Variants in BTC observed in about 807,000 individuals in gnomAD.
BTC encodes probetacellulin.
BTC carries 13 observed loss-of-function variants against 18.1 expected under a neutral mutation model. The observed-to-expected ratio is 0.72, with a 90% confidence interval of 0.47 to 1.14. BTC has a LOEUF of 1.14. Ranked by LOEUF, BTC falls within the 50% of genes most tolerant of loss-of-function variation. The probability of loss-of-function intolerance (pLI) is 0.00; values close to 1 mark genes in which losing one functional copy is unlikely to be tolerated. For synonymous variants in BTC, 83 were observed against 79.4 expected, an observed-to-expected ratio of 1.05 and a Z score of -0.24; for missense variants, 247 against 224.2, an observed-to-expected ratio of 1.10 and a Z score of -0.65.
At position 74,783,614 on chromosome 4, in the gene BTC, C is replaced by T. The variant is rs551895498; in HGVS notation, c.64+10648G>A. ...TTTTTTTTTTTTTTTTTTTTGGTACCATATGAATTTTAAAATAGTTTTTTC... is the reference window on the plus strand; with the variant it reads ...TTTTTTTTTTTTTTTTTTTTGGTACTATATGAATTTTAAAATAGTTTTTTC... On this transcript the variant is annotated intron_variant, in intron 1 of 5. Coordinates refer to ENST00000395743, the MANE Select transcript of BTC (RefSeq NM_001729.4). 3.6e-4 allele frequency among the ~76,000 whole-genome samples: 47 copies of T among 129,450 alleles called. No individual in the cohort carries two copies. In the East Asian group the frequency reaches 7.3e-3, roughly 20 times the overall value. 84.9% of individuals were successfully genotyped at this position (129,450 alleles called of 152,430 possible).
rs553581362 is a variant in BTC at position 74,744,938 on chromosome 4, T to A, written c.*1739A>T. 6.6e-6 allele frequency: 1 copy of A among 152,296 alleles called. No individual in the cohort carries two copies. The highest frequency in any genetic ancestry group is 2.1e-4 in the South Asian group (1 of 4,826). The allele number at this position is 152,296 out of a possible 1,614,324, so 9.4% of individuals were successfully genotyped here. A position where few individuals can be genotyped will look rare whatever the true frequency, so the allele number is the denominator to read the frequency against. On this transcript the variant is annotated 3_prime_UTR_variant, in exon 6 of 6. Coordinates refer to ENST00000395743, the MANE Select transcript of BTC (RefSeq NM_001729.4). ...GAGAGCCACCATTGATATTTTAGGA[T>A]CAAAACAAAATGGCTTGAGAGATTT... is the stretch of plus-strand genomic sequence containing the variant.
At chr4:74,767,123 A>G (rs1016510020) in intron 2 of BTC, among the ~76,000 whole-genome samples, 5 of 151,900 alleles carry the variant, frequency 3.3e-5, no homozygotes, top group African/African-American at 1.2e-4. Context: ...AAAAAAAGAA[A>G]TAATTTCATC....
intron 1 of BTC, among the ~76,000 whole-genome samples, chr4:74,778,509 T>C (rs1725235992): frequency 6.6e-6 from 1 of 151,956 alleles, no homozygotes; most frequent in African/African-American, 2.4e-5. Context: ...AGTTCCAAAG[T>C]GAGATGCAGA....
At chr4:74,756,006 A>T (rs782226201) in intron 2 of BTC, 30 bp from the exon 3 acceptor site, 3 of 1,516,420 alleles carry the variant, frequency 2.0e-6, no homozygotes, top group Non-Finnish European at 1.8e-6. Flanking sequence ...TCAATAAATC[A>T]ACTCTCTTTA....
chr4:74,779,224 C>T (rs1725255591), intron 1 of BTC, among the ~76,000 whole-genome samples: 3 of 152,096 alleles, frequency 2.0e-5, no homozygotes, highest in Admixed American at 2.0e-4. Context: ...AAAAGTACTT[C>T]ACAACCTTAT....
chr4:74,773,301 C>G (rs1382184557), intron 1 of BTC, among the ~76,000 whole-genome samples: 1 of 152,140 alleles, frequency 6.6e-6, no homozygotes, highest in Non-Finnish European at 1.5e-5. Context: ...AAGCAGGTGA[C>G]CCCTTTAAGT....
chr4:74,785,489 C>A (rs1289814529), intron 1 of BTC, among the ~76,000 whole-genome samples: 2 of 151,944 alleles, frequency 1.3e-5, no homozygotes, highest in South Asian at 2.1e-4. Context: ...GCTCTTGGTT[C>A]TCTAGTTCTT....
chr4:74,753,651 C>T (rs750060172), intron 3 of BTC, among the ~76,000 whole-genome samples: 2 of 152,124 alleles, frequency 1.3e-5, no homozygotes, highest in African/African-American at 2.4e-5. Flanking sequence ...AGTGTTATCA[C>T]CAATGGCAAG....
intron 1 of BTC, among the ~76,000 whole-genome samples, chr4:74,787,477 A>G (rs1053860691): frequency 5.9e-5 from 9 of 152,040 alleles, no homozygotes; most frequent in African/African-American, 2.2e-4. Context: ...AAATACTAAG[A>G]TTTTTTTTAA....
chr4:74,758,426 G>A (rs908542696), intron 2 of BTC, among the ~76,000 whole-genome samples: 2 of 151,998 alleles, frequency 1.3e-5, no homozygotes, highest in African/African-American at 4.8e-5. Context: ...AAACCAGGGC[G>A]GACACATACA....
At chr4:74,782,134 G>C (rs867957258) in intron 1 of BTC, among the ~76,000 whole-genome samples, 5 of 151,914 alleles carry the variant, frequency 3.3e-5, no homozygotes. Context: ...AAGTTCAGGG[G>C]TACATGTGCA....
chr4:74,771,003 GAGA>G (rs1474990944), intron 1 of BTC, among the ~76,000 whole-genome samples: 3 of 151,826 alleles, frequency 2.0e-5, no homozygotes, highest in Admixed American at 2.0e-4. Flanking sequence ...AATCCAACAT[GAGA>G]AGGAGGATAC....
chr4:74,794,467 A>G lies in BTC; in HGVS notation c.-142T>C. The stretch of plus-strand genomic sequence containing the variant: ...AAACGAAACTACTTCCCAGGCTGGC[A>G]CCCTGGCTACAAGGCAGGGAAACAC... On this transcript the variant is annotated 5_prime_UTR_variant, in exon 1 of 6. Transcript: ENST00000395743. The G allele has an allele frequency of 1.0e-6, 1 of 964,146 alleles. No individual in the cohort carries two copies. The allele number at this position is 964,146 out of a possible 1,614,324, so 59.7% of individuals were successfully genotyped here. A position where few individuals can be genotyped will look rare whatever the true frequency, so the allele number is the denominator to read the frequency against.
At chr4:74,762,728 GA>G (rs1724793880) in intron 2 of BTC, among the ~76,000 whole-genome samples, 1 of 152,104 alleles carries the variant, frequency 6.6e-6, no homozygotes, top group Admixed American at 6.5e-5. Context: ...TAGATACTGA[GA>G]GATCAAGCTC....
intron 2 of BTC, among the ~76,000 whole-genome samples, chr4:74,767,271 T>C (rs1560716225): frequency 6.6e-6 from 1 of 151,800 alleles, no homozygotes; most frequent in Non-Finnish European, 1.5e-5. Context: ...GAAAAACCAG[T>C]TGTATTTGTA....
intron 1 of BTC, among the ~76,000 whole-genome samples, chr4:74,790,647 A>C (rs1040283233): frequency 6.6e-6 from 1 of 152,198 alleles, no homozygotes. Flanking sequence ...CAGACTGGAG[A>C]ATATACAGGA....
Position 74,745,854 on chromosome 4 carries a change from C to A in BTC, c.*823G>T, listed in dbSNP as rs182769230. The A allele has an allele frequency of 2.0e-5, 3 of 152,258 alleles. No homozygotes were observed. Among genetic ancestry groups the A allele is most frequent in the Admixed American group, 1.3e-4 (2 of 15,286 alleles). The allele number at this position is 152,258 out of a possible 1,614,324, so 9.4% of individuals were successfully genotyped here. A position where few individuals can be genotyped will look rare whatever the true frequency, so the allele number is the denominator to read the frequency against. On this transcript the variant is annotated 3_prime_UTR_variant, in exon 6 of 6. Transcript: ENST00000395743. Reference sequence around the variant, plus strand: ...TCTATTCATTTCCCTAGTTATGGGGCCAATCTATTTGCTTTAATAATGTAA... The same window carrying A: ...TCTATTCATTTCCCTAGTTATGGGGACAATCTATTTGCTTTAATAATGTAA...
chr4:74,790,379 G>A (rs765789717), intron 1 of BTC, among the ~76,000 whole-genome samples: 4 of 152,142 alleles, frequency 2.6e-5, no homozygotes, highest in African/African-American at 4.8e-5. Flanking sequence ...GCTTTTACAG[G>A]TGAGTAAACT....
chr4:74,768,677 A>G (rs1724961730), intron 2 of BTC, among the ~76,000 whole-genome samples: 1 of 152,208 alleles, frequency 6.6e-6, no homozygotes, highest in Admixed American at 6.5e-5. Flanking sequence ...CTGCTAATCT[A>G]TAGTTAACAA....
Sources: gnomAD v4.1 joint callset for allele counts (sites outside exome capture counted in the v4.1 genomes callset) on GRCh38, gnomAD v4.1.1 for gene constraint, MANE v1.5 for transcripts, NCBI Gene and HGNC (gene_info 2026-07-23, HGNC 2026-07-21) for gene names.